AGBL4: variants seen among roughly 807,000 people sequenced by gnomAD.
AGBL4 encodes the protein AGBL carboxypeptidase 4, also known as cytosolic carboxypeptidase 6.
AGBL4 carries 58 observed loss-of-function variants against 66.4 expected under a neutral mutation model. The ratio of observed to expected loss-of-function variants is 0.87; its 90% CI spans 0.71 to 1.09. The LOEUF (loss-of-function observed/expected upper bound fraction) is 1.09, where lower values mean the gene tolerates loss of function less well. Ranked by LOEUF, AGBL4 falls within the 50% of genes least tolerant of loss-of-function variation. The pLI, the probability that AGBL4 is intolerant of heterozygous loss-of-function variation, is 0.00. For missense variants in AGBL4, 579 were observed against 631.0 expected, an observed-to-expected ratio of 0.92 and a Z score of 0.88; for synonymous variants, 234 against 222.9, an observed-to-expected ratio of 1.05 and a Z score of -0.44.
intron 3 of AGBL4, among the ~76,000 whole-genome samples, chr1:49,663,055 T>C (rs981325801): frequency 6.6e-6 from 1 of 152,074 alleles, no homozygotes; most frequent in African/African-American, 2.4e-5. Context: ...AACTTAAGGC[T>C]TGTGAAAGAA....
chr1:49,332,378 C>G (rs1205080343), intron 3 of AGBL4, among the ~76,000 whole-genome samples: 1 of 152,094 alleles, frequency 6.6e-6, no homozygotes, highest in African/African-American at 2.4e-5. Context: ...AAACACCAGG[C>G]CAGATTATTT....
chr1:49,450,355 G>A (rs1646251057), intron 3 of AGBL4, among the ~76,000 whole-genome samples: 1 of 152,014 alleles, frequency 6.6e-6, no homozygotes, highest in South Asian at 2.1e-4. Context: ...AGAGCAGAGG[G>A]CTCAGAACAG....
At chr1:48,622,988 G>A (rs1007165003) in intron 9 of AGBL4, among the ~76,000 whole-genome samples, 1 of 152,232 alleles carries the variant, frequency 6.6e-6, no homozygotes, top group South Asian at 2.1e-4. Context: ...AGATTTAAAC[G>A]CGGGCCTGAG....
chr1:49,633,954 A>AT (rs67650622), intron 3 of AGBL4, among the ~76,000 whole-genome samples: 3 of 148,368 alleles, frequency 2.0e-5, no homozygotes, highest in Non-Finnish European at 4.5e-5. Flanking sequence ...TATTAAAATA[A>AT]TTTTTTTTCA....
In AGBL4 at chr1:48,818,235, G is replaced by A. The variant is rs376356693; in HGVS notation, c.634+48956C>T. On this transcript the variant is annotated intron_variant, in intron 6 of 13. Coordinates refer to ENST00000371839, the MANE Select transcript of AGBL4 (RefSeq NM_032785.4). The stretch of plus-strand genomic sequence containing the variant: ...CTCCATCTTCCAGCTGCGTAAATTA[G>A]TTAATTACAAAGGCTGTAATTTGCA... 54 of 717,446 alleles carry A rather than the reference G, an allele frequency of 7.5e-5. No individual in the cohort carries two copies. The Middle Eastern group carries it at 2.1e-3, about 27-fold the overall frequency. The allele number at this position is 717,446 out of a possible 1,614,324, so 44.4% of individuals were successfully genotyped here. A position where few individuals can be genotyped will look rare whatever the true frequency, so the allele number is the denominator to read the frequency against.
At chr1:49,717,566 T>C (rs551312438) in intron 2 of AGBL4, among the ~76,000 whole-genome samples, 1 of 152,026 alleles carries the variant, frequency 6.6e-6, no homozygotes, top group Non-Finnish European at 1.5e-5. Flanking sequence ...TACCCTTTCC[T>C]ACATCCTGAT....
intron 5 of AGBL4, among the ~76,000 whole-genome samples, chr1:48,989,502 C>A (rs958798837): frequency 1.3e-5 from 2 of 152,096 alleles, no homozygotes; most frequent in African/African-American, 4.8e-5. Context: ...CATTAACCAT[C>A]CCCACTCTAT....
chr1:49,742,637 C>T (rs961913187), intron 2 of AGBL4, among the ~76,000 whole-genome samples: 16 of 152,118 alleles, frequency 1.1e-4, no homozygotes, highest in African/African-American at 3.6e-4. Context: ...CATCACGCTA[C>T]CTGACTTCAA....
At chr1:49,277,385 T>C (rs551382259) in intron 3 of AGBL4, among the ~76,000 whole-genome samples, 4 of 152,324 alleles carry the variant, frequency 2.6e-5, no homozygotes, top group East Asian at 1.9e-4. Flanking sequence ...TGTGACATGA[T>C]ATGTTACAAA....
At chr1:48,970,769 G>A (rs140404109) in intron 5 of AGBL4, among the ~76,000 whole-genome samples, 1 of 152,198 alleles carries the variant, frequency 6.6e-6, no homozygotes, top group Non-Finnish European at 1.5e-5. Context: ...TGGGGTAGTG[G>A]AATAAGCACA....
chr1:49,837,325 T>C (rs185067184), intron 2 of AGBL4, among the ~76,000 whole-genome samples: 29 of 152,316 alleles, frequency 1.9e-4, no homozygotes, highest in African/African-American at 6.7e-4. Flanking sequence ...CTCCAACCAG[T>C]TCAAACTTCC....
chr1:49,095,554 T>A (rs898629182), intron 4 of AGBL4, among the ~76,000 whole-genome samples: 1 of 152,186 alleles, frequency 6.6e-6, no homozygotes, highest in African/African-American at 2.4e-5. Context: ...AACTATCGGA[T>A]CTTTGACAAA....
At chr1:49,043,821 C>G (rs137984418) in intron 5 of AGBL4, among the ~76,000 whole-genome samples, 8 of 152,298 alleles carry the variant, frequency 5.3e-5, no homozygotes, top group South Asian at 2.1e-4. Flanking sequence ...ATTTGTCTCT[C>G]AGTACCTGAG....
rs200143739 is a variant in AGBL4 at position 48,587,117 on chromosome 1, C to T, written c.1154G>A (p.Arg385His). 18 of 1,572,180 alleles carry T rather than the reference C, an allele frequency of 1.1e-5. No homozygotes were observed. Among genetic ancestry groups the T allele is most frequent in the Admixed American group, 7.6e-5 (4 of 52,908 alleles). The change falls in exon 11 of 14, where the codon CGC becomes CAC. Residue 385 changes from arginine (R) to histidine (H), a missense_variant. Coordinates refer to ENST00000371839, the MANE Select transcript of AGBL4 (RefSeq NM_032785.4). ...GTGGTCCAGGAGTCCACCGAGGAAG[C>T]GACGGCCAGTTCCTGCTTTCACAGC... ...RDAVKAGTGRRFLGGLLDHTS... is the reference protein window; with the variant it reads ...RDAVKAGTGRHFLGGLLDHTS...
At chr1:49,962,206 G>GTA (rs1207658408) in intron 1 of AGBL4, among the ~76,000 whole-genome samples, 1 of 152,136 alleles carries the variant, frequency 6.6e-6, no homozygotes, top group Non-Finnish European at 1.5e-5. Context: ...ATGCTGTGTA[G>GTA]TATAGAGTGC....
chr1:49,953,687 T>A (rs1296740378), intron 1 of AGBL4, among the ~76,000 whole-genome samples: 1 of 151,694 alleles, frequency 6.6e-6, no homozygotes. Flanking sequence ...GCTCAACTGG[T>A]ATAATTCCAA....
chr1:49,543,884 GA>G (rs1362175850), intron 3 of AGBL4, among the ~76,000 whole-genome samples: 2 of 152,148 alleles, frequency 1.3e-5, no homozygotes, highest in East Asian at 3.9e-4. Flanking sequence ...GTGGTAGAAA[GA>G]AGTTCAGCCC....
intron 3 of AGBL4, among the ~76,000 whole-genome samples, chr1:49,366,721 TAG>T (rs1418862201): frequency 6.6e-6 from 1 of 152,174 alleles, no homozygotes; most frequent in African/African-American, 2.4e-5. Context: ...CTTGAAACAT[TAG>T]ACACCTATAT....
chr1:49,057,616 C>T (rs988604848), intron 4 of AGBL4, among the ~76,000 whole-genome samples: 14 of 152,126 alleles, frequency 9.2e-5, no homozygotes, highest in Non-Finnish European at 2.1e-4. Context: ...TCCACACTAA[C>T]TTCTTCCTTT....
Sources: gnomAD v4.1 joint callset for allele counts (sites outside exome capture counted in the v4.1 genomes callset) on GRCh38, gnomAD v4.1.1 for gene constraint, MANE v1.5 for transcripts, NCBI Gene and HGNC (gene_info 2026-07-23, HGNC 2026-07-21) for gene names.